The following CAMTA1 variants were observed in gnomAD, a reference collection of about 807,000 sequenced individuals.
CAMTA1 encodes the protein calmodulin binding transcription activator 1, also known as calmodulin-binding transcription activator 1.
Under a neutral mutation model 170.9 loss-of-function variants are expected in CAMTA1, and 27 were observed. The observed-to-expected ratio is 0.16, with a 90% CI of 0.12 to 0.22. The LOEUF (loss-of-function observed/expected upper bound fraction) is 0.22, where lower values mean the gene tolerates loss of function less well. CAMTA1 is among the 10% of genes least tolerant of loss of function. The probability of loss-of-function intolerance (pLI) is 1.00; values close to 1 mark genes in which losing one functional copy is unlikely to be tolerated. For synonymous variants in CAMTA1, 833 were observed against 891.5 expected (o/e 0.93, Z 1.17); for missense variants, 1,619 against 2,217.2 (o/e 0.73, Z 5.42).
intron 6 of CAMTA1, among the ~76,000 whole-genome samples, chr1:7,490,137 C>T (rs2093680489): frequency 6.6e-6 from 1 of 152,196 alleles, no homozygotes; most frequent in Non-Finnish European, 1.5e-5. Flanking sequence ...ACGATAGGAG[C>T]AAATAGCTCT....
intron 5 of CAMTA1, among the ~76,000 whole-genome samples, chr1:7,277,806 C>T (rs919646575): frequency 1.3e-5 from 2 of 150,720 alleles, no homozygotes; most frequent in Admixed American, 6.6e-5. Context: ...GGGGTTATAT[C>T]ATATATGCTA....
At chr1:7,659,656 G>A (rs1483571155) in intron 7 of CAMTA1, among the ~76,000 whole-genome samples, 1 of 152,282 alleles carries the variant, frequency 6.6e-6, no homozygotes, top group African/African-American at 2.4e-5. Context: ...TTCCGGGGCT[G>A]AGCCATCTGT....
At chr1:7,607,793 C>A (rs2095497653) in intron 6 of CAMTA1, among the ~76,000 whole-genome samples, 1 of 152,166 alleles carries the variant, frequency 6.6e-6, no homozygotes, top group South Asian at 2.1e-4. Context: ...GGAGTCGTAT[C>A]TTCTGTGGAT....
chr1:7,292,735 G>A (rs534370207), intron 5 of CAMTA1, among the ~76,000 whole-genome samples: 8 of 152,252 alleles, frequency 5.3e-5, no homozygotes, highest in Admixed American at 2.6e-4. Context: ...CCTTGCATGC[G>A]TTTCTGCACT....
rs559431397 is a variant in CAMTA1 at position 6,816,829 on chromosome 1, T to C, written c.46-3352T>C. ...CCTAGAGGGAGATCAAAACACGAAG[T>C]TGTCCTGTGAAAGTTCCTGGCCCAG... On this transcript the variant is annotated intron_variant, in intron 1 of 22. Transcript: ENST00000303635. 6.6e-5 allele frequency among the ~76,000 whole-genome samples: 10 copies of C among 152,304 alleles called. No individual in the cohort carries two copies. The South Asian group carries it at 1.9e-3, about 28-fold the overall frequency.
intron 6 of CAMTA1, among the ~76,000 whole-genome samples, chr1:7,554,814 C>G (rs55825337): frequency 2.0e-5 from 3 of 152,278 alleles, no homozygotes; most frequent in South Asian, 4.1e-4. Context: ...TTCATCCCCC[C>G]CAACCCCATG....
intron 11 of CAMTA1, among the ~76,000 whole-genome samples, chr1:7,731,431 G>A (rs1208299163): frequency 6.6e-6 from 1 of 152,032 alleles, no homozygotes; most frequent in Non-Finnish European, 1.5e-5. Context: ...AATTAGTGAG[G>A]TGTGGTTGCA....
chr1:6,855,859 T>A (rs1374477406), intron 3 of CAMTA1, among the ~76,000 whole-genome samples: 4 of 152,052 alleles, frequency 2.6e-5, no homozygotes, highest in Non-Finnish European at 5.9e-5. Context: ...AGGAAGAGTC[T>A]CTCCTTCCCC....
At chr1:6,812,744 A>G (rs1161876549) in intron 1 of CAMTA1, among the ~76,000 whole-genome samples, 2 of 152,260 alleles carry the variant, frequency 1.3e-5, no homozygotes, top group African/African-American at 2.4e-5. Flanking sequence ...CACTTTAAAC[A>G]TGCTTTACGT....
chr1:7,149,347 T>A (rs1046724054), intron 4 of CAMTA1, among the ~76,000 whole-genome samples: 1 of 152,210 alleles, frequency 6.6e-6, no homozygotes, highest in African/African-American at 2.4e-5. Flanking sequence ...GTTCTGACCC[T>A]GCAGGTGGGC....
Position 7,562,877 on chromosome 1 carries a change from C to G in CAMTA1, c.511-77523C>G, listed in dbSNP as rs1029045139. Among the ~76,000 whole-genome samples, 1 of 152,220 alleles carries G rather than the reference C, an allele frequency of 6.6e-6. No homozygotes were observed. The highest frequency in any genetic ancestry group is 2.4e-5 in the African/African-American group (1 of 41,464). On this transcript the variant is annotated intron_variant, in intron 6 of 22. Coordinates refer to ENST00000303635, the MANE Select transcript of CAMTA1 (RefSeq NM_015215.4). This position sits in a 1 kb window ranked among gnomAD's most constrained non-coding sequence, Gnocchi z 4.8. The stretch of plus-strand genomic sequence containing the variant: ...TCACCTGCAGCCTGTCAACAGCCAG[C>G]TCCGGGACTCTCCCAGGGCCCCATG...
At chr1:7,382,435 A>G (rs2087446050) in intron 5 of CAMTA1, 1 of 152,218 alleles carries the variant, frequency 6.6e-6, no homozygotes, top group African/African-American at 2.4e-5. Context: ...AGATGTAAAC[A>G]TGGGCCAGAA....
rs575733755 is a variant in CAMTA1 at position 7,554,815 on chromosome 1, C to G, written c.511-85585C>G. 9.9e-4 allele frequency among the ~76,000 whole-genome samples: 150 copies of G among 152,254 alleles called. 4 individuals are homozygous for G. The South Asian group carries it at 0.011, about 11-fold the overall frequency. On this transcript the variant is annotated intron_variant, in intron 6 of 22. Transcript: ENST00000303635. Reference sequence around the variant, plus strand: ...TTATCTTGGCTTGCTTCATCCCCCCCAACCCCATGCCAAAAAAAGAAGCCA... The same window carrying G: ...TTATCTTGGCTTGCTTCATCCCCCCGAACCCCATGCCAAAAAAAGAAGCCA...
intron 6 of CAMTA1, among the ~76,000 whole-genome samples, chr1:7,553,659 C>A (rs1489776749): frequency 6.6e-6 from 1 of 152,200 alleles, no homozygotes; most frequent in African/African-American, 2.4e-5. Context: ...GAGAAACTTC[C>A]CTGGTTTAAG....
chr1:7,364,795 C>A (rs898980658), intron 5 of CAMTA1, among the ~76,000 whole-genome samples: 7 of 152,184 alleles, frequency 4.6e-5, no homozygotes, highest in African/African-American at 1.7e-4. Flanking sequence ...CATAAAAACA[C>A]TCCACACAGT....
chr1:7,727,215 T>C (rs968228951), intron 11 of CAMTA1, among the ~76,000 whole-genome samples: 4 of 150,074 alleles, frequency 2.7e-5, no homozygotes, highest in East Asian at 3.9e-4. Context: ...CTCCGCCTCC[T>C]GGGTTCACGC....
Position 7,195,686 on chromosome 1 carries a change from A to T in CAMTA1, c.303-53805A>T, listed in dbSNP as rs1253713389. 6.6e-6 allele frequency among the ~76,000 whole-genome samples: 1 copy of T among 152,196 alleles called. No homozygotes were observed. Among genetic ancestry groups the T allele is most frequent in the Admixed American group, 6.5e-5 (1 of 15,292 alleles). ...GGCTTGTGAGTGCTTATATTTAGCC[A>T]GCCATTGCTCACAGCAGAAGGATAA... is the stretch of plus-strand genomic sequence containing the variant. On this transcript the variant is annotated intron_variant, in intron 4 of 22. Coordinates refer to ENST00000303635, the MANE Select transcript of CAMTA1 (RefSeq NM_015215.4). The surrounding 1 kb of genome is among the most constrained non-coding windows in gnomAD (Gnocchi z 4.1).
At chr1:7,253,897 A>G (rs1034147639) in intron 5 of CAMTA1, among the ~76,000 whole-genome samples, 2 of 152,088 alleles carry the variant, frequency 1.3e-5, no homozygotes, top group African/African-American at 2.4e-5. Context: ...TAGTATGGCA[A>G]TAGGTGCTGG....
intron 3 of CAMTA1, among the ~76,000 whole-genome samples, chr1:6,931,108 A>C (rs1030948672): frequency 1.3e-5 from 2 of 152,326 alleles, no homozygotes; most frequent in African/African-American, 4.8e-5. Context: ...ACCTCCGTTC[A>C]TACCCCCAGT....
Sources: gnomAD v4.1 joint callset for allele counts (sites outside exome capture counted in the v4.1 genomes callset) on GRCh38, gnomAD v4.1.1 for gene constraint, Gnocchi (gnomAD v3.1) non-coding constraint, MANE v1.5 for transcripts, NCBI Gene and HGNC (gene_info 2026-07-23, HGNC 2026-07-21) for gene names.